TEC: variants seen among roughly 807,000 people sequenced by gnomAD.
The protein encoded by TEC is tec protein tyrosine kinase, also known as tyrosine-protein kinase Tec.
Under a neutral mutation model 93.0 loss-of-function variants are expected in TEC, and 72 were observed. The observed-to-expected ratio is 0.77, with a 90% confidence interval of 0.64 to 0.94. TEC has a LOEUF of 0.94. Among genes scored for constraint, TEC ranks in the 40% least tolerant of loss-of-function variants. The probability of loss-of-function intolerance (pLI) is 0.00; values close to 1 mark genes in which losing one functional copy is unlikely to be tolerated. For synonymous variants in TEC, 249 were observed against 247.7 expected (o/e 1.01, Z -0.05); for missense variants, 630 against 757.9 (o/e 0.83, Z 1.98).
At chr4:48,144,227 A>G (rs867420228) in intron 14 of TEC, among the ~76,000 whole-genome samples, 1 of 152,134 alleles carries the variant, frequency 6.6e-6, no homozygotes, top group Non-Finnish European at 1.5e-5. Context: ...GGAAAAAAAA[A>G]TTTTTTTAAA....
intron 2 of TEC, among the ~76,000 whole-genome samples, chr4:48,214,917 CT>C (rs1723022008): frequency 6.6e-6 from 1 of 152,060 alleles, no homozygotes; most frequent in African/African-American, 2.4e-5. Context: ...CCTTGGGAGT[CT>C]GAGGTGGGCA....
At chr4:48,221,958 T>C (rs1235222803) in intron 2 of TEC, among the ~76,000 whole-genome samples, 2 of 152,098 alleles carry the variant, frequency 1.3e-5, no homozygotes, top group African/African-American at 4.8e-5. Context: ...AACACAGATA[T>C]GTAAATAGTC....
chr4:48,167,445 C>G (rs775750216), intron 7 of TEC, among the ~76,000 whole-genome samples: 1 of 151,998 alleles, frequency 6.6e-6, no homozygotes. Context: ...TTACAATAAA[C>G]TCTTAGAAAA....
chr4:48,185,223 T>C (rs772610597), intron 2 of TEC, among the ~76,000 whole-genome samples: 5 of 152,244 alleles, frequency 3.3e-5, no homozygotes, highest in Non-Finnish European at 7.3e-5. Context: ...TGACATATTC[T>C]ACTAAAAACA....
intron 2 of TEC, among the ~76,000 whole-genome samples, chr4:48,204,850 C>T (rs1381035661): frequency 6.6e-6 from 1 of 152,162 alleles, no homozygotes; most frequent in Non-Finnish European, 1.5e-5. Context: ...TCCTGTGCAG[C>T]CCAGTTCCTA....
intron 3 of TEC, among the ~76,000 whole-genome samples, chr4:48,172,158 G>A (rs1721139573): frequency 6.6e-6 from 1 of 152,118 alleles, no homozygotes; most frequent in African/African-American, 2.4e-5. Context: ...TCCTTGGTGG[G>A]CAATTAGACA....
In TEC at chr4:48,194,726, G is replaced by T. The variant is rs539951284; in HGVS notation, c.139-18540C>A. On this transcript the variant is annotated intron_variant, in intron 2 of 17. Transcript: ENST00000381501. Reference sequence around the variant, plus strand: ...CAAGAAAGAGAAAATGTATTTTGGAGCCAGGTCTCTAGTAGCAGACGGTGA... The same window carrying T: ...CAAGAAAGAGAAAATGTATTTTGGATCCAGGTCTCTAGTAGCAGACGGTGA... Among the ~76,000 whole-genome samples, 6 of 152,290 alleles carry T rather than the reference G, an allele frequency of 3.9e-5. No homozygotes were observed. The East Asian group carries it at 1.2e-3, about 29-fold the overall frequency.
intron 9 of TEC, among the ~76,000 whole-genome samples, chr4:48,156,453 C>T (rs1179187039): frequency 1.3e-5 from 2 of 152,160 alleles, no homozygotes; most frequent in African/African-American, 2.4e-5. Flanking sequence ...CCTGAGGCCA[C>T]CCATGATTAC....
Position 48,152,682 on chromosome 4 carries a change from G to C in TEC, c.793-1740C>G, listed in dbSNP as rs1408192949. 2.6e-5 allele frequency among the ~76,000 whole-genome samples: 4 copies of C among 152,056 alleles called. No homozygotes were observed. The East Asian group carries it at 7.7e-4, about 29-fold the overall frequency. On this transcript the variant is annotated intron_variant, in intron 9 of 17. Transcript: ENST00000381501. ...TGCAGCTAGTAAGTAGCAGAGCCAG[G>C]ATTTGGTCCCCAGGCTGCCATTTAG...
At chr4:48,241,578 C>T (rs964754370) in intron 1 of TEC, among the ~76,000 whole-genome samples, 4 of 152,152 alleles carry the variant, frequency 2.6e-5, no homozygotes, top group Admixed American at 1.3e-4. Context: ...GTTCAAGTCA[C>T]CCCCAGCCAT....
At chr4:48,202,876 T>G (rs1410733982) in intron 2 of TEC, among the ~76,000 whole-genome samples, 1 of 152,210 alleles carries the variant, frequency 6.6e-6, no homozygotes, top group Non-Finnish European at 1.5e-5. Context: ...AAATCTGCTT[T>G]TCCTAACTAT....
At chr4:48,199,195 G>A (rs1722405550) in intron 2 of TEC, among the ~76,000 whole-genome samples, 1 of 152,166 alleles carries the variant, frequency 6.6e-6, no homozygotes, top group Non-Finnish European at 1.5e-5. Context: ...CTCTCAGGAA[G>A]CCACCTCCTT....
intron 2 of TEC, among the ~76,000 whole-genome samples, chr4:48,187,825 C>T (rs1721943693): frequency 6.6e-6 from 1 of 152,172 alleles, no homozygotes; most frequent in Non-Finnish European, 1.5e-5. Flanking sequence ...CTCTTACTGC[C>T]TAAGTTTCAT....
intron 7 of TEC, among the ~76,000 whole-genome samples, chr4:48,165,276 A>G (rs1168520779): frequency 1.3e-5 from 2 of 152,216 alleles, no homozygotes; most frequent in Non-Finnish European, 2.9e-5. Context: ...TGTTATCACT[A>G]GAGAAAGCTC....
At chr4:48,171,311 A>G (rs1721102023) in intron 4 of TEC, 57 bp downstream of exon 4, 3 of 1,407,928 alleles carry the variant, frequency 2.1e-6, no homozygotes, top group Middle Eastern at 2.4e-4. Context: ...TGTCTTAATG[A>G]TAACAATATT....
At chr4:48,186,204 T>C (rs547452768) in intron 2 of TEC, among the ~76,000 whole-genome samples, 3 of 152,268 alleles carry the variant, frequency 2.0e-5, no homozygotes, top group South Asian at 2.1e-4. Context: ...TCTCGGCTCG[T>C]TACAACCTCC....
chr4:48,148,988 T>G (rs1029491552), intron 11 of TEC, among the ~76,000 whole-genome samples: 2 of 152,182 alleles, frequency 1.3e-5, no homozygotes, highest in African/African-American at 4.8e-5. Context: ...TCCATGTCCC[T>G]GCAAAGGACA....
intron 5 of TEC, among the ~76,000 whole-genome samples, chr4:48,169,386 A>T (rs1306216692): frequency 6.6e-6 from 1 of 152,164 alleles, no homozygotes; most frequent in African/African-American, 2.4e-5. Context: ...TTAAAAAAAA[A>T]ATAAGGAACA....
intron 7 of TEC, among the ~76,000 whole-genome samples, chr4:48,166,801 T>C (rs1421766922): frequency 6.6e-6 from 1 of 151,468 alleles, no homozygotes; most frequent in Non-Finnish European, 1.5e-5. Flanking sequence ...GAGTTGCAAA[T>C]AAGTTAATAA....
Sources: allele counts gnomAD v4.1 joint callset (sites outside exome capture counted in the v4.1 genomes callset), GRCh38; gene constraint gnomAD v4.1.1; transcripts MANE v1.5; gene names NCBI Gene and HGNC (gene_info 2026-07-23, HGNC 2026-07-21).